Variants in NSMCE2 observed in about 807,000 individuals in gnomAD.
NSMCE2 encodes NSE2 SUMO ligase component of SMC5/6 complex.
In NSMCE2, 24 loss-of-function variants were observed where a neutral mutation model predicts 23.8. That is an observed-to-expected ratio of 1.01 (90% CI 0.73 to 1.42). NSMCE2 has a LOEUF of 1.42. Ranked by LOEUF, NSMCE2 falls within the 40% of genes most tolerant of loss-of-function variation. NSMCE2 has a pLI of 0.00. For synonymous variants in NSMCE2, 92 were observed against 94.1 expected (o/e 0.98, Z 0.13); for missense variants, 284 against 296.5 (o/e 0.96, Z 0.31).
At chr8:125,278,224 G>T (rs1410021840) in intron 5 of NSMCE2, among the ~76,000 whole-genome samples, 1 of 152,214 alleles carries the variant, frequency 6.6e-6, no homozygotes, top group Non-Finnish European at 1.5e-5. Flanking sequence ...AAGGAGTTAA[G>T]GGAATTTTCC....
intron 1 of NSMCE2, among the ~76,000 whole-genome samples, chr8:125,093,725 A>AAAAT (rs1190645381): frequency 1.3e-5 from 2 of 151,938 alleles, no homozygotes; most frequent in Non-Finnish European, 2.9e-5. Flanking sequence ...TCTGTCTCAA[A>AAAAT]AAATAAATAA....
At position 125,286,311 on chromosome 8, in the gene NSMCE2, A is replaced by ATTTTTTT. The variant is rs369845619; in HGVS notation, c.419-70905_419-70904insTTTTTTT. ...TCAGAGACTCCAAACAATACCTTTT[A>ATTTTTTT]TTTATTTTTTTTTTTTTTTGAGATG... is the stretch of plus-strand genomic sequence containing the variant. On this transcript the variant is annotated intron_variant, in intron 5 of 7. Coordinates refer to ENST00000287437, the MANE Select transcript of NSMCE2 (RefSeq NM_173685.4). Among the ~76,000 whole-genome samples the ATTTTTTT allele has an allele frequency of 1.1e-4, 11 of 98,926 alleles. 1 individual carries two copies. The highest frequency in any genetic ancestry group is 1.5e-4 in the African/African-American group (5 of 33,824). 64.9% of individuals were successfully genotyped at this position (98,926 alleles called of 152,430 possible). A position where few individuals can be genotyped will look rare whatever the true frequency, so the allele number is the denominator to read the frequency against.
chr8:125,136,533 T>G (rs185367037), intron 3 of NSMCE2, among the ~76,000 whole-genome samples: 13 of 152,286 alleles, frequency 8.5e-5, no homozygotes, highest in African/African-American at 3.1e-4. Context: ...TGTGATTGAT[T>G]AGAACCTCCC....
intron 5 of NSMCE2, among the ~76,000 whole-genome samples, chr8:125,350,488 T>C (rs921468861): frequency 1.3e-5 from 2 of 152,152 alleles, no homozygotes; most frequent in African/African-American, 4.8e-5. Context: ...AGGTTGCGTA[T>C]TAATCCATTT....
At chr8:125,136,554 T>C (rs765553495) in intron 3 of NSMCE2, among the ~76,000 whole-genome samples, 4 of 152,144 alleles carry the variant, frequency 2.6e-5, no homozygotes, top group Non-Finnish European at 5.9e-5. Flanking sequence ...ATTTTATAAA[T>C]AGTACTGTGG....
Position 125,272,759 on chromosome 8 carries a change from A to G in NSMCE2, c.419-84460A>G, listed in dbSNP as rs540097058. Among the ~76,000 whole-genome samples the G allele has an allele frequency of 4.2e-5, 6 of 143,592 alleles. No individual in the cohort carries two copies. In the South Asian group the frequency reaches 1.3e-3, roughly 31 times the overall value. The allele number at this position is 143,592 out of a possible 152,430, so 94.2% of individuals were successfully genotyped here. On this transcript the variant is annotated intron_variant, in intron 5 of 7. Coordinates refer to ENST00000287437, the MANE Select transcript of NSMCE2 (RefSeq NM_173685.4). ...CACACACATATATATACACACGTAT[A>G]TATATATACACACACACGTATATAT...
intron 3 of NSMCE2, among the ~76,000 whole-genome samples, chr8:125,133,836 G>GA (rs1393530330): frequency 6.6e-6 from 1 of 152,068 alleles, no homozygotes; most frequent in African/African-American, 2.4e-5. Context: ...GAGTCTCAGA[G>GA]AAAACGCCGT....
chr8:125,228,034 G>A (rs959052578), intron 5 of NSMCE2, among the ~76,000 whole-genome samples: 1 of 152,122 alleles, frequency 6.6e-6, no homozygotes, highest in Non-Finnish European at 1.5e-5. Context: ...GTGGATAGCA[G>A]TTGATATTGT....
At chr8:125,108,323 A>G (rs1818568948) in intron 3 of NSMCE2, among the ~76,000 whole-genome samples, 1 of 152,230 alleles carries the variant, frequency 6.6e-6, no homozygotes, top group Non-Finnish European at 1.5e-5. Flanking sequence ...GTGCTGTCCA[A>G]GGACCCAGAG....
At chr8:125,362,159 C>T (rs1013378731) in intron 7 of NSMCE2, among the ~76,000 whole-genome samples, 9 of 152,204 alleles carry the variant, frequency 5.9e-5, no homozygotes, top group Middle Eastern at 3.2e-3. Flanking sequence ...AGCTGAAGAT[C>T]GGGTATTGCC....
chr8:125,236,320 A>G (rs1304111213), intron 5 of NSMCE2, among the ~76,000 whole-genome samples: 1 of 152,140 alleles, frequency 6.6e-6, no homozygotes, highest in East Asian at 1.9e-4. Context: ...TGTACATGTT[A>G]TAATTTACAA....
intron 3 of NSMCE2, among the ~76,000 whole-genome samples, chr8:125,104,326 G>C (rs1473802995): frequency 2.6e-5 from 4 of 152,146 alleles, no homozygotes; most frequent in Non-Finnish European, 5.9e-5. Context: ...AGTTTGTTTG[G>C]TGTGCAGCTA....
intron 5 of NSMCE2, among the ~76,000 whole-genome samples, chr8:125,288,750 G>A (rs1034248573): frequency 1.3e-5 from 2 of 151,892 alleles, no homozygotes; most frequent in Non-Finnish European, 2.9e-5. Context: ...TAGGCTAGGA[G>A]TTTTTTTTAG....
At chr8:125,237,931 A>G (rs544763443) in intron 5 of NSMCE2, among the ~76,000 whole-genome samples, 2 of 152,302 alleles carry the variant, frequency 1.3e-5, no homozygotes, top group African/African-American at 2.4e-5. Context: ...GTACTAAGCT[A>G]TGTTACCCCA....
At chr8:125,349,059 A>ACG (rs1299386152) in intron 5 of NSMCE2, among the ~76,000 whole-genome samples, 9 of 146,760 alleles carry the variant, frequency 6.1e-5, no homozygotes, top group African/African-American at 1.0e-4. Flanking sequence ...ACACACACAC[A>ACG]CACAGAGCTC....
chr8:125,330,404 G>C (rs1401721821), intron 5 of NSMCE2, among the ~76,000 whole-genome samples: 3 of 151,976 alleles, frequency 2.0e-5, no homozygotes, highest in Non-Finnish European at 2.9e-5. Context: ...TCGAACTCCT[G>C]ACCTCAAGTG....
intron 5 of NSMCE2, among the ~76,000 whole-genome samples, chr8:125,340,105 C>T (rs1830193178): frequency 6.7e-6 from 1 of 149,576 alleles, no homozygotes; most frequent in African/African-American, 2.5e-5. Flanking sequence ...AGCTCCGCCT[C>T]CCGGGTTCAC....
At chr8:125,279,632 T>G (rs923976595) in intron 5 of NSMCE2, among the ~76,000 whole-genome samples, 1 of 152,228 alleles carries the variant, frequency 6.6e-6, no homozygotes, top group Non-Finnish European at 1.5e-5. Flanking sequence ...GAAAGGTTGC[T>G]ACTTTGATTT....
intron 3 of NSMCE2, among the ~76,000 whole-genome samples, chr8:125,135,968 C>T (rs898035533): frequency 1.3e-5 from 2 of 152,184 alleles, no homozygotes; most frequent in African/African-American, 4.8e-5. Flanking sequence ...ATTGATATTG[C>T]ATGCCTTGCA....
Sources: gnomAD v4.1 joint callset for allele counts (sites outside exome capture counted in the v4.1 genomes callset) on GRCh38, gnomAD v4.1.1 for gene constraint, MANE v1.5 for transcripts, NCBI Gene and HGNC (gene_info 2026-07-23, HGNC 2026-07-21) for gene names.